The following MCUB variants were observed in gnomAD, a reference collection of about 807,000 sequenced individuals.
MCUB encodes the protein mitochondrial calcium uniporter dominant negative subunit beta.
A neutral mutation model predicts 41.4 loss-of-function variants in MCUB; 46 were observed. The ratio of observed to expected loss-of-function variants is 1.11; its 90% confidence interval spans 0.88 to 1.42. The LOEUF (loss-of-function observed/expected upper bound fraction) is 1.42, where lower values mean the gene tolerates loss of function less well. Among genes scored for constraint, MCUB ranks in the 40% most tolerant of loss-of-function variants. The pLI is 0.00. For missense variants in MCUB, 403 were observed against 404.9 expected (o/e 1.00, Z 0.04); for synonymous variants, 148 against 148.2 (o/e 1.00, Z 0.01).
At chr4:109,686,482 T>C (rs1729840158) in intron 7 of MCUB, among the ~76,000 whole-genome samples, 1 of 152,218 alleles carries the variant, frequency 6.6e-6, no homozygotes, top group African/African-American at 2.4e-5. Flanking sequence ...AGTCATTCTA[T>C]AGGAAAAATA....
intron 1 of MCUB, among the ~76,000 whole-genome samples, chr4:109,612,978 C>A (rs1236766753): frequency 6.6e-6 from 1 of 151,900 alleles, no homozygotes; most frequent in African/African-American, 2.4e-5. Flanking sequence ...TGGTGGCGGG[C>A]GTCTGTAGTC....
intron 4 of MCUB, among the ~76,000 whole-genome samples, chr4:109,670,269 C>T (rs895855375): frequency 9.2e-5 from 14 of 152,168 alleles, no homozygotes; most frequent in African/African-American, 3.1e-4. Context: ...CTTCTCAGCC[C>T]TTCCCCCACC....
At chr4:109,669,760 T>A (rs1046715889) in intron 4 of MCUB, among the ~76,000 whole-genome samples, 3 of 152,042 alleles carry the variant, frequency 2.0e-5, no homozygotes, top group Admixed American at 2.0e-4. Context: ...TAATGAAATA[T>A]CCTTAAGCTT....
At chr4:109,666,678 G>C (rs190617135) in intron 4 of MCUB, among the ~76,000 whole-genome samples, 1 of 152,184 alleles carries the variant, frequency 6.6e-6, no homozygotes, top group East Asian at 1.9e-4. Context: ...TTGGGATAAC[G>C]GTCTTGTATC....
intron 1 of MCUB, among the ~76,000 whole-genome samples, chr4:109,592,770 T>G (rs1727467758): frequency 6.6e-6 from 1 of 152,224 alleles, no homozygotes; most frequent in Non-Finnish European, 1.5e-5. Flanking sequence ...GTGCACACTT[T>G]CAGGAGTTTT....
At chr4:109,596,599 C>G (rs532698072) in intron 1 of MCUB, among the ~76,000 whole-genome samples, 2 of 152,130 alleles carry the variant, frequency 1.3e-5, no homozygotes, top group Non-Finnish European at 2.9e-5. Flanking sequence ...AGGACCATGA[C>G]GGTGCATCCC....
At chr4:109,580,107 A>G (rs1227545979) in intron 1 of MCUB, among the ~76,000 whole-genome samples, 8 of 152,008 alleles carry the variant, frequency 5.3e-5, no homozygotes, top group South Asian at 2.1e-4. Flanking sequence ...TCAGTTCCCA[A>G]TTGTGAGTGA....
intron 4 of MCUB, 67 bp from the exon 5 acceptor site, chr4:109,682,515 C>T (rs564981573): frequency 2.4e-5 from 32 of 1,323,948 alleles, no homozygotes; most frequent in Middle Eastern, 1.9e-4. Context: ...AATTGGGGAC[C>T]GAAAGATTTA....
At chr4:109,648,898 C>G (rs936234954) in intron 1 of MCUB, among the ~76,000 whole-genome samples, 2 of 152,152 alleles carry the variant, frequency 1.3e-5, no homozygotes, top group African/African-American at 2.4e-5. Context: ...TTTTTCTTGC[C>G]TCACACAAGA....
At chr4:109,599,681 A>AT (rs377246507) in intron 1 of MCUB, among the ~76,000 whole-genome samples, 1 of 142,800 alleles carries the variant, frequency 7.0e-6, no homozygotes, top group African/African-American at 3.0e-5. Flanking sequence ...TTATTTATTT[A>AT]TTTTTTTAAG....
chr4:109,622,605 C>T (rs1253354316), intron 1 of MCUB, among the ~76,000 whole-genome samples: 1 of 152,156 alleles, frequency 6.6e-6, no homozygotes, highest in Non-Finnish European at 1.5e-5. Flanking sequence ...ACTTTAAAAA[C>T]CAATAATGTA....
intron 4 of MCUB, among the ~76,000 whole-genome samples, 155 bp downstream of exon 4, chr4:109,664,549 A>G (rs1729303870): frequency 6.6e-6 from 1 of 151,788 alleles, no homozygotes; most frequent in African/African-American, 2.4e-5. Context: ...CTCAGCCTCC[A>G]GAGTAGCTGG....
At chr4:109,631,236 A>C (rs1045420845) in intron 1 of MCUB, among the ~76,000 whole-genome samples, 1 of 152,198 alleles carries the variant, frequency 6.6e-6, no homozygotes, top group Non-Finnish European at 1.5e-5. Context: ...GATGTTTAAC[A>C]CCACACTACA....
chr4:109,632,834 C>T (rs1361133050), intron 1 of MCUB, among the ~76,000 whole-genome samples: 8 of 151,984 alleles, frequency 5.3e-5, no homozygotes, highest in Admixed American at 5.2e-4. Flanking sequence ...AGGCTGATCT[C>T]GAACTCCTGA....
chr4:109,564,301 A>AT (rs1726719801), intron 1 of MCUB, among the ~76,000 whole-genome samples: 1 of 151,846 alleles, frequency 6.6e-6, no homozygotes, highest in African/African-American at 2.4e-5. Flanking sequence ...GGGCCAGCTA[A>AT]TTTTTTGTAT....
In MCUB at chr4:109,667,576, A is replaced by C. The variant is rs370646640; in HGVS notation, c.451+3182A>C. Among the ~76,000 whole-genome samples, 12 of 150,576 alleles carry C rather than the reference A, an allele frequency of 8.0e-5. No individual in the cohort carries two copies. The East Asian group carries it at 1.8e-3, about 22-fold the overall frequency. Reference sequence around the variant, plus strand: ...TTTCTCTGTGGGTTTCCTGTTCTCAATTTCATTGGTTTCTACTCTATGTTT... The same window carrying C: ...TTTCTCTGTGGGTTTCCTGTTCTCACTTTCATTGGTTTCTACTCTATGTTT... On this transcript the variant is annotated intron_variant, in intron 4 of 7. Transcript: ENST00000394650.
At chr4:109,564,193 C>T (rs1249028989) in intron 1 of MCUB, among the ~76,000 whole-genome samples, 1 of 151,504 alleles carries the variant, frequency 6.6e-6, no homozygotes. Flanking sequence ...AGTGCAGTGG[C>T]GCAATCTCAG....
intron 1 of MCUB, among the ~76,000 whole-genome samples, chr4:109,643,004 AGGCTTGT>A (rs1181166754): frequency 1.3e-5 from 2 of 148,368 alleles, no homozygotes; most frequent in African/African-American, 5.0e-5. Flanking sequence ...TGTGTTGGCC[AGGCTTGT>A]CTCAAACTCC....
At chr4:109,670,910 C>A (rs1377753238) in intron 4 of MCUB, among the ~76,000 whole-genome samples, 2 of 152,110 alleles carry the variant, frequency 1.3e-5, no homozygotes, top group Non-Finnish European at 2.9e-5. Context: ...GGAATGCTTA[C>A]ATTTCAAGAG....
Sources: gnomAD v4.1 joint callset for allele counts (sites outside exome capture counted in the v4.1 genomes callset) on GRCh38, gnomAD v4.1.1 for gene constraint, MANE v1.5 for transcripts, NCBI Gene and HGNC (gene_info 2026-07-23, HGNC 2026-07-21) for gene names.